FGF14: variants seen among roughly 807,000 people sequenced by gnomAD.
FGF14 encodes fibroblast growth factor 14, also known as fibroblast growth factor homologous factor 4.
A neutral mutation model predicts 25.5 loss-of-function variants in FGF14; 5 were observed. The ratio of observed to expected loss-of-function variants is 0.20; its 90% CI spans 0.10 to 0.41. FGF14 has a LOEUF of 0.41. Ranked by LOEUF, FGF14 falls within the 10% of genes least tolerant of loss-of-function variation. The pLI is 1.00. For missense variants in FGF14, 222 were observed against 320.1 expected, an observed-to-expected ratio of 0.69 and a Z score of 2.34; for synonymous variants, 138 against 118.3, an observed-to-expected ratio of 1.17 and a Z score of -1.08.
chr13:102,005,290 G>T (rs2039721760), intron 1 of FGF14, among the ~76,000 whole-genome samples: 1 of 152,082 alleles, frequency 6.6e-6, no homozygotes, highest in Non-Finnish European at 1.5e-5. Flanking sequence ...ATGCAAATAA[G>T]CCCAAGAAAT....
intron 3 of FGF14, among the ~76,000 whole-genome samples, chr13:101,796,600 C>T (rs1274730236): frequency 6.6e-6 from 1 of 152,006 alleles, no homozygotes; most frequent in African/African-American, 2.4e-5. Flanking sequence ...TGAAGATAGG[C>T]CCTAATCCAA....
At chr13:102,197,443 C>T (rs1323553410) in intron 1 of FGF14, among the ~76,000 whole-genome samples, 13 of 152,078 alleles carry the variant, frequency 8.5e-5, no homozygotes, top group Non-Finnish European at 2.9e-5. Flanking sequence ...CCAAGTCACT[C>T]AACTTTCCTG....
chr13:101,969,510 T>C (rs187576588), intron 1 of FGF14, among the ~76,000 whole-genome samples: 2 of 152,338 alleles, frequency 1.3e-5, no homozygotes, highest in Non-Finnish European at 2.9e-5. Flanking sequence ...CTAAACATTA[T>C]ATTTCAATCT....
At chr13:102,299,283 A>AT (rs34663317) in intron 1 of FGF14, among the ~76,000 whole-genome samples, 1 of 151,962 alleles carries the variant, frequency 6.6e-6, no homozygotes, top group Non-Finnish European at 1.5e-5. Flanking sequence ...TGGAGAAGTG[A>AT]TTTTTTTAAA....
intron 1 of FGF14, among the ~76,000 whole-genome samples, chr13:101,992,426 T>C (rs1394644095): frequency 6.6e-6 from 1 of 152,052 alleles, no homozygotes; most frequent in African/African-American, 2.4e-5. Context: ...AACAAAGTCA[T>C]GCTAAGGGGC....
intron 3 of FGF14, among the ~76,000 whole-genome samples, chr13:101,826,653 T>C (rs1472144949): frequency 6.6e-6 from 1 of 152,062 alleles, no homozygotes; most frequent in African/African-American, 2.4e-5. Flanking sequence ...TAATTAGTAG[T>C]TGTACCTAAA....
At chr13:101,943,143 T>G (rs928026485) in intron 1 of FGF14, among the ~76,000 whole-genome samples, 1 of 152,182 alleles carries the variant, frequency 6.6e-6, no homozygotes, top group African/African-American at 2.4e-5. Flanking sequence ...TAACAACTAG[T>G]AAATGTAGGA....
At chr13:102,069,971 A>G (rs555714181) in intron 1 of FGF14, among the ~76,000 whole-genome samples, 112 of 152,350 alleles carry the variant, frequency 7.4e-4, no homozygotes, top group African/African-American at 2.6e-3. Context: ...ATTCACCTGC[A>G]CAAAGATTTC....
chr13:102,381,083 G>C (rs1320195938), intron 1 of FGF14, among the ~76,000 whole-genome samples: 2 of 152,104 alleles, frequency 1.3e-5, no homozygotes, highest in Non-Finnish European at 2.9e-5. Flanking sequence ...ATGAAGTGTT[G>C]AATACCTTAT....
intron 1 of FGF14, among the ~76,000 whole-genome samples, chr13:102,154,595 G>T (rs1356460760): frequency 1.3e-5 from 2 of 152,150 alleles, no homozygotes; most frequent in Non-Finnish European, 1.5e-5. Flanking sequence ...AGGCTAGGAA[G>T]AAACTGCATC....
intron 3 of FGF14, among the ~76,000 whole-genome samples, chr13:101,863,169 C>A (rs1308660763): frequency 6.6e-6 from 1 of 152,030 alleles, no homozygotes; most frequent in Non-Finnish European, 1.5e-5. Context: ...GTTTAATATA[C>A]TTTTTATGAT....
chr13:101,797,755 G>A (rs2040620408), intron 3 of FGF14, among the ~76,000 whole-genome samples: 1 of 150,032 alleles, frequency 6.7e-6, no homozygotes, highest in Non-Finnish European at 1.5e-5. Context: ...GTGTGTGTGT[G>A]TGTGTGTGTG....
chr13:102,121,717 G>C (rs940412697), intron 1 of FGF14, among the ~76,000 whole-genome samples: 1 of 152,140 alleles, frequency 6.6e-6, no homozygotes, highest in Non-Finnish European at 1.5e-5. Flanking sequence ...ACTTGAAAGC[G>C]TGTCTTTGAA....
At chr13:102,262,482 T>C (rs1029642618) in intron 1 of FGF14, among the ~76,000 whole-genome samples, 2 of 152,102 alleles carry the variant, frequency 1.3e-5, no homozygotes, top group Non-Finnish European at 2.9e-5. Context: ...CCTTCTAACC[T>C]TGTGTTTCTT....
chr13:101,756,748 CA>C (rs2037689373), intron 3 of FGF14, among the ~76,000 whole-genome samples: 1 of 151,764 alleles, frequency 6.6e-6, no homozygotes, highest in African/African-American at 2.4e-5. Context: ...ACCAAAAAAA[CA>C]AAAAACAAAC....
intron 1 of FGF14, among the ~76,000 whole-genome samples, chr13:102,386,749 G>A (rs141399099): frequency 7.1e-4 from 108 of 152,296 alleles, no homozygotes; most frequent in Admixed American, 6.6e-3. Context: ...AGATTTGTTC[G>A]TGACTCCGAA....
chr13:101,829,811 ACTTTT>A (rs2042581116), intron 3 of FGF14, among the ~76,000 whole-genome samples: 1 of 152,062 alleles, frequency 6.6e-6, no homozygotes, highest in South Asian at 2.1e-4. Flanking sequence ...AGTGAGGCAA[ACTTTT>A]CAGCCCACTA....
At chr13:101,982,189 G>A (rs1333037232) in intron 1 of FGF14, among the ~76,000 whole-genome samples, 1 of 152,128 alleles carries the variant, frequency 6.6e-6, no homozygotes, top group East Asian at 1.9e-4. Flanking sequence ...TCATTCCAAT[G>A]CTTGTTTGAT....
intron 1 of FGF14, among the ~76,000 whole-genome samples, chr13:102,013,205 A>T (rs1428138481): frequency 6.6e-6 from 1 of 152,120 alleles, no homozygotes; most frequent in East Asian, 1.9e-4. Flanking sequence ...AAGAAGTAGG[A>T]CAGGGGAAAG....
Sources: gnomAD v4.1 joint callset for allele counts (sites outside exome capture counted in the v4.1 genomes callset) on GRCh38, gnomAD v4.1.1 for gene constraint, MANE v1.5 for transcripts, NCBI Gene and HGNC (gene_info 2026-07-23, HGNC 2026-07-21) for gene names.